CAGE1: variants seen among roughly 807,000 people sequenced by gnomAD.
CAGE1 encodes the protein cancer-associated gene 1 protein.
Under a neutral mutation model 94.9 loss-of-function variants are expected in CAGE1, and 66 were observed. The ratio of observed to expected loss-of-function variants is 0.70; its 90% CI spans 0.57 to 0.85. The LOEUF (loss-of-function observed/expected upper bound fraction) is 0.85. CAGE1 is among the 40% of genes least tolerant of loss of function. CAGE1 has a pLI of 0.00. For missense variants in CAGE1, 865 were observed against 950.4 expected (o/e 0.91, Z 1.18); for synonymous variants, 319 against 321.0 (o/e 0.99, Z 0.07).
rs866535911 is a variant in CAGE1 at position 7,352,685 on chromosome 6, A to G, written c.2369+2356T>C. On this transcript the variant is annotated intron_variant, in intron 11 of 13. Transcript: ENST00000502583. ...GTCACCAAAACAGCATGGTTCTGGT[A>G]TAAAAATAGGCACATAGACCAATGG... Among the ~76,000 whole-genome samples, 10 of 152,370 alleles carry G rather than the reference A, an allele frequency of 6.6e-5. No homozygotes were observed. The South Asian group carries it at 1.4e-3, about 22-fold the overall frequency.
At chr6:7,383,515 T>C (rs977435215) in intron 3 of CAGE1, among the ~76,000 whole-genome samples, 1 of 152,230 alleles carries the variant, frequency 6.6e-6, no homozygotes, top group African/African-American at 2.4e-5. Flanking sequence ...CATATATAAA[T>C]GGGTCTACTT....
intron 11 of CAGE1, chr6:7,340,895 C>T (rs1003853443): frequency 2.4e-5 from 10 of 421,660 alleles, no homozygotes; most frequent in East Asian, 2.3e-4. Flanking sequence ...CAATTTTAGC[C>T]GGGGGGAGCT....
At chr6:7,347,882 C>T (rs1276378397) in intron 11 of CAGE1, among the ~76,000 whole-genome samples, 1 of 152,092 alleles carries the variant, frequency 6.6e-6, no homozygotes, top group Non-Finnish European at 1.5e-5. Flanking sequence ...ACCTAGGAAT[C>T]TCAACCCCAT....
At position 7,373,524 on chromosome 6, in the gene CAGE1, T is replaced by C. The variant is rs1941503988; in HGVS notation, c.1295A>G (p.Asn432Ser). ...CTCTAAATACTGACTTACAGATTTA[T>C]TTTTTTGTTGCATTTCAGTCATGTA... ...ERYMTEMQQK[N>S]KSVSQYLEMD... Residue 432 changes from asparagine (N) to serine (S), a missense_variant, in exon 5 of 14, where the codon AAT (asparagine) becomes AGT (serine). Coordinates refer to ENST00000502583, the MANE Select transcript of CAGE1 (RefSeq NM_001170692.2). 6 of 1,613,514 alleles carry C rather than the reference T, an allele frequency of 3.7e-6. No individual in the cohort carries two copies. The highest frequency in any genetic ancestry group is 4.5e-5 in the East Asian group (2 of 44,882).
At chr6:7,370,506 A>C (rs756093502) in intron 5 of CAGE1, among the ~76,000 whole-genome samples, 1 of 152,150 alleles carries the variant, frequency 6.6e-6, no homozygotes, top group Non-Finnish European at 1.5e-5. Context: ...CATGTTGCCC[A>C]GGCTGGTCTT....
At chr6:7,365,649 T>C in intron 8 of CAGE1, 74 bp from the exon 9 acceptor site, 1 of 1,502,234 alleles carries the variant, frequency 6.7e-7, no homozygotes. Context: ...AAATACTTTA[T>C]TAGTTTAAAA....
intron 4 of CAGE1, among the ~76,000 whole-genome samples, chr6:7,376,429 T>TA (rs201589674): frequency 1.4e-5 from 2 of 143,020 alleles, no homozygotes; most frequent in Middle Eastern, 3.6e-3. Flanking sequence ...AATAAATAAA[T>TA]AAATAAAATA....
chr6:7,334,177 G>C lies in CAGE1; in HGVS notation c.2370-87C>G, dbSNP rs907898222. 2.3e-5 allele frequency: 16 copies of C among 707,332 alleles called. No individual in the cohort carries two copies. In the African/African-American group the frequency reaches 2.9e-4, roughly 13 times the overall value. 43.8% of individuals were successfully genotyped at this position (707,332 alleles called of 1,614,324 possible). A position where few individuals can be genotyped will look rare whatever the true frequency, so the allele number is the denominator to read the frequency against. ...TAGATTCACTGGAGGATTTTAGTAG[G>C]TAAAAATAGGTAATCTAATTATCTA... On this transcript the variant is annotated intron_variant, in intron 11 of 13. Coordinates refer to ENST00000502583, the MANE Select transcript of CAGE1 (RefSeq NM_001170692.2).
intron 4 of CAGE1, among the ~76,000 whole-genome samples, chr6:7,376,426 A>C (rs1382161560): frequency 2.7e-5 from 4 of 149,090 alleles, no homozygotes; most frequent in Non-Finnish European, 4.5e-5. Flanking sequence ...ATAAATAAAT[A>C]AATAAATAAA....
chr6:7,386,265 C>A (rs938587337), intron 2 of CAGE1, among the ~76,000 whole-genome samples: 1 of 152,110 alleles, frequency 6.6e-6, no homozygotes, highest in Non-Finnish European at 1.5e-5. Flanking sequence ...AGGCATATAT[C>A]TTTGATGTAT....
At position 7,378,638 on chromosome 6, in the gene CAGE1, T is replaced by C. The variant is rs1581697320; in HGVS notation, c.666A>G (p.Gln222=). 5.7e-6 allele frequency: 9 copies of C among 1,587,014 alleles called. No homozygotes were observed. Among genetic ancestry groups the C allele is most frequent in the East Asian group, 2.2e-5 (1 of 44,748 alleles). The part of the protein sequence containing the change: ...IAKESALNPS[Q]PPSFLCKTAV... ...TTTCCTTACATAAGAAGCTTGGAGG[T>C]TGGCTAGGGTTGAGGGCAGATTCCT... The change falls in exon 4 of 14, where the codon CAA becomes CAG. Residue 222 remains glutamine, a synonymous_variant. Coordinates refer to ENST00000502583, the MANE Select transcript of CAGE1 (RefSeq NM_001170692.2).
At chr6:7,341,141 G>C in intron 11 of CAGE1, 1 of 563,932 alleles carries the variant, frequency 1.8e-6, no homozygotes, top group Non-Finnish European at 3.5e-6. Flanking sequence ...TCCCACAGCC[G>C]GTAGTTATTG....
Position 7,389,656 on chromosome 6 carries a change from G to A in CAGE1, c.-478C>T, listed in dbSNP as rs888737002. The A allele has an allele frequency of 2.5e-6, 1 of 400,466 alleles. No homozygotes were observed. The highest frequency in any genetic ancestry group is 2.6e-5 in the South Asian group (1 of 38,626). The allele number at this position is 400,466 out of a possible 1,614,324, so 24.8% of individuals were successfully genotyped here. A position where few individuals can be genotyped will look rare whatever the true frequency, so the allele number is the denominator to read the frequency against. On this transcript the variant is annotated 5_prime_UTR_variant, in exon 1 of 14. Transcript: ENST00000502583. Reference sequence around the variant, plus strand: ...AACTCCGGGAAGAAACGGCCAGCACGGGCCTCGCCGTGCCGGCTACTCAAC... The same window carrying A: ...AACTCCGGGAAGAAACGGCCAGCACAGGCCTCGCCGTGCCGGCTACTCAAC...
At chr6:7,357,880 G>A (rs1760013583) in intron 9 of CAGE1, among the ~76,000 whole-genome samples, 1 of 151,090 alleles carries the variant, frequency 6.6e-6, no homozygotes, top group East Asian at 1.9e-4. Flanking sequence ...TGCAACCTCT[G>A]CCTCCAGGGT....
At position 7,389,503 on chromosome 6, in the gene CAGE1, CTACTGTGGGTGCGGTG is replaced by C; in HGVS notation, c.-341_-326del. On this transcript the variant is annotated 5_prime_UTR_variant, in exon 1 of 14. Coordinates refer to ENST00000502583, the MANE Select transcript of CAGE1 (RefSeq NM_001170692.2). ...TGCAGCCCGCGAGGCCCGAGCGACCCTACTGTGGGTGCGGTGTCTTCCCAGAGAGTGGTGAAGTTAG... is the reference window on the plus strand; with the variant it reads ...TGCAGCCCGCGAGGCCCGAGCGACCCTCTTCCCAGAGAGTGGTGAAGTTAG... 1 of 363,714 alleles carries C rather than the reference CTACTGTGGGTGCGGTG, an allele frequency of 2.7e-6. No individual in the cohort carries two copies. Among genetic ancestry groups the C allele is most frequent in the South Asian group, 2.0e-5 (1 of 49,982 alleles). The allele number at this position is 363,714 out of a possible 1,614,324, so 22.5% of individuals were successfully genotyped here. A position where few individuals can be genotyped will look rare whatever the true frequency, so the allele number is the denominator to read the frequency against.
intron 13 of CAGE1, among the ~76,000 whole-genome samples, 193 bp downstream of exon 13, chr6:7,329,656 G>A (rs1283705597): frequency 2.6e-5 from 4 of 152,164 alleles, no homozygotes. Flanking sequence ...AGCCCTACAA[G>A]ATTAGAGGGA....
At chr6:7,335,201 C>A (rs1196579800) in intron 11 of CAGE1, among the ~76,000 whole-genome samples, 1 of 152,158 alleles carries the variant, frequency 6.6e-6, no homozygotes, top group African/African-American at 2.4e-5. Flanking sequence ...GCATTTAGGG[C>A]CCACTCAGAT....
chr6:7,386,692 T>C (rs6906029), intron 2 of CAGE1, among the ~76,000 whole-genome samples: 8,036 of 152,244 alleles, frequency 0.053, 343 homozygotes, highest in African/African-American at 0.12. Context: ...GTTCAAGTGA[T>C]TCTCCTGTCT....
At chr6:7,329,329 T>C (rs1758658744) in intron 13 of CAGE1, 1 of 358,774 alleles carries the variant, frequency 2.8e-6, no homozygotes, top group East Asian at 4.0e-5. Flanking sequence ...ATGTGGCCAA[T>C]ATGCATGATG....
Sources: gnomAD v4.1 joint callset for allele counts (sites outside exome capture counted in the v4.1 genomes callset) on GRCh38, gnomAD v4.1.1 for gene constraint, MANE v1.5 for transcripts, NCBI Gene and HGNC (gene_info 2026-07-23, HGNC 2026-07-21) for gene names.